The following COL5A2 variants were observed in gnomAD, a reference collection of about 807,000 sequenced individuals.
The protein encoded by COL5A2 is collagen type V alpha 2 chain, also known as collagen alpha-2(V) chain.
COL5A2 carries 23 observed loss-of-function variants against 208.2 expected under a neutral mutation model. The observed-to-expected ratio is 0.11, with a 90% CI of 0.08 to 0.16. The LOEUF (loss-of-function observed/expected upper bound fraction) is 0.16. Among genes scored for constraint, COL5A2 ranks in the 10% least tolerant of loss-of-function variants. The pLI, the probability that COL5A2 is intolerant of heterozygous loss-of-function variation, is 1.00. For synonymous variants in COL5A2, 625 were observed against 628.5 expected, an observed-to-expected ratio of 0.99 and a Z score of 0.08; for missense variants, 1,590 against 1,956.4, an observed-to-expected ratio of 0.81 and a Z score of 3.53.
At chr2:189,214,385 A>G (rs918852006) in intron 1 of COL5A2, among the ~76,000 whole-genome samples, 1 of 152,106 alleles carries the variant, frequency 6.6e-6, no homozygotes, top group East Asian at 1.9e-4. Flanking sequence ...CATGGAAAGC[A>G]TTCATGTCAT....
the COL5A2 span, among the ~76,000 whole-genome samples, chr2:189,359,938 T>A: frequency 3.7e-3 from 560 of 152,258 alleles, 2 homozygotes; most frequent in African/African-American, 0.011. Context: ...TCAGATTTTA[T>A]GTGAGTCTTC....
the COL5A2 span, among the ~76,000 whole-genome samples, chr2:189,342,150 C>T: frequency 2.0e-5 from 3 of 148,172 alleles, no homozygotes; most frequent in Non-Finnish European, 4.5e-5. Flanking sequence ...CTCTCTAGAT[C>T]ATTATAGGTA....
chr2:189,167,195 G>A (rs1283393633), intron 1 of COL5A2, among the ~76,000 whole-genome samples: 1 of 152,162 alleles, frequency 6.6e-6, no homozygotes, highest in African/African-American at 2.4e-5. Flanking sequence ...CCCAAGGAAA[G>A]TCAAGAGGCA....
At chr2:189,256,493 G>A in the COL5A2 span, among the ~76,000 whole-genome samples, 1 of 152,060 alleles carries the variant, frequency 6.6e-6, no homozygotes, top group Non-Finnish European at 1.5e-5. Context: ...TGATCTCTTG[G>A]GAAAGCACCT....
chr2:189,316,314 T>C, the COL5A2 span, among the ~76,000 whole-genome samples: 1 of 152,244 alleles, frequency 6.6e-6, no homozygotes. Context: ...TGCAGGGACA[T>C]GGATGGAGCT....
chr2:189,296,800 T>C, the COL5A2 span, among the ~76,000 whole-genome samples: 1 of 152,220 alleles, frequency 6.6e-6, no homozygotes, highest in African/African-American at 2.4e-5. Context: ...AACCTTCAGC[T>C]GTTGTTTTCT....
chr2:189,144,195 G>T (rs1382768860), intron 1 of COL5A2, among the ~76,000 whole-genome samples: 1 of 151,992 alleles, frequency 6.6e-6, no homozygotes, highest in African/African-American at 2.4e-5. Flanking sequence ...AAGTACTTAA[G>T]AATTTTCTGA....
Position 189,154,881 on chromosome 2 carries a change from G to A in COL5A2, c.97+24627C>T, listed in dbSNP as rs79390458. ...TGGCATAAAACTCGAAATAAAATTA[G>A]GTTGTAACTAAATGCTTGACGAATG... On this transcript the variant is annotated intron_variant, in intron 1 of 53. Transcript: ENST00000374866. Among the ~76,000 whole-genome samples the A allele has an allele frequency of 3.9e-5, 6 of 152,270 alleles. No individual in the cohort carries two copies. The East Asian group carries it at 1.2e-3, about 29-fold the overall frequency.
At position 189,205,026 on chromosome 2, in the gene COL5A2, C is replaced by T. The variant is rs1515865; in HGVS notation, c.-42+20122G>A. Among the ~76,000 whole-genome samples the T allele has an allele frequency of 2.7e-3, 417 of 152,266 alleles. 15 individuals are homozygous for T. The highest frequency in any genetic ancestry group is 3.4e-3 in the Non-Finnish European group (232 of 68,014). Reference sequence around the variant, plus strand: ...GGAAGGAGACTCCTAACACCGTTATCCTAACAACAGTGACACTTGATCTCT... The same window carrying T: ...GGAAGGAGACTCCTAACACCGTTATTCTAACAACAGTGACACTTGATCTCT... On this transcript the variant is annotated intron_variant, in intron 1 of 10. Coordinates refer to the COL5A2 transcript ENST00000649966.
At chr2:189,307,394 AC>A in the COL5A2 span, among the ~76,000 whole-genome samples, 2 of 152,160 alleles carry the variant, frequency 1.3e-5, no homozygotes, top group African/African-American at 4.8e-5. Context: ...CATGAATAGC[AC>A]ATTATAAGGA....
At chr2:189,252,757 T>TAATA in the COL5A2 span, among the ~76,000 whole-genome samples, 2 of 150,884 alleles carry the variant, frequency 1.3e-5, no homozygotes, top group Admixed American at 1.3e-4. Flanking sequence ...TAAAGTATAA[T>TAATA]AAAAAATAAA....
intron 1 of COL5A2, among the ~76,000 whole-genome samples, chr2:189,193,484 G>T (rs1395273176): frequency 6.6e-6 from 1 of 152,126 alleles, no homozygotes; most frequent in Non-Finnish European, 1.5e-5. Context: ...TTGATGGAAC[G>T]GTGATAATGC....
At chr2:189,160,743 AGTT>A (rs1474044784) in intron 1 of COL5A2, among the ~76,000 whole-genome samples, 1 of 151,904 alleles carries the variant, frequency 6.6e-6, no homozygotes. Flanking sequence ...ACATTAAAGT[AGTT>A]GTAGTTTTCT....
chr2:189,334,418 G>A, the COL5A2 span, among the ~76,000 whole-genome samples: 2 of 151,888 alleles, frequency 1.3e-5, no homozygotes, highest in African/African-American at 2.4e-5. Context: ...TACACAATCA[G>A]TATCCAAAAA....
chr2:189,094,336 A>C (rs1253472844), intron 6 of COL5A2, among the ~76,000 whole-genome samples: 2 of 152,118 alleles, frequency 1.3e-5, no homozygotes, highest in African/African-American at 4.8e-5. Flanking sequence ...GAGCTCATTA[A>C]AAGTATCTAT....
the COL5A2 span, among the ~76,000 whole-genome samples, chr2:189,431,934 G>A: frequency 6.6e-6 from 1 of 152,272 alleles, no homozygotes; most frequent in Non-Finnish European, 1.5e-5. Context: ...AAAATGTTAA[G>A]TGCAGTCAGA....
intron 53 of COL5A2, 117 bp from the exon 54 acceptor site, chr2:189,034,333 TA>T (rs946239293): frequency 2.5e-5 from 26 of 1,042,412 alleles, no homozygotes; most frequent in South Asian, 5.5e-5. Context: ...GAGTACTACT[TA>T]AAAAAAAGGA....
the COL5A2 span, among the ~76,000 whole-genome samples, chr2:189,249,907 A>T: frequency 6.6e-6 from 1 of 152,222 alleles, no homozygotes; most frequent in African/African-American, 2.4e-5. Flanking sequence ...CATGTTGGGC[A>T]GGCTGGTCTC....
the COL5A2 span, among the ~76,000 whole-genome samples, chr2:189,253,410 A>C: frequency 6.6e-6 from 1 of 152,348 alleles, no homozygotes; most frequent in East Asian, 1.9e-4. Flanking sequence ...TATAAGAATT[A>C]AAGTCAATAC....
Sources: gnomAD v4.1 joint callset for allele counts (sites outside exome capture counted in the v4.1 genomes callset) on GRCh38, gnomAD v4.1.1 for gene constraint, MANE v1.5 for transcripts, NCBI Gene and HGNC (gene_info 2026-07-23, HGNC 2026-07-21) for gene names.